Variants in LRBA observed in about 807,000 individuals in gnomAD.
LRBA encodes the protein lipopolysaccharide-responsive and beige-like anchor protein.
LRBA carries 176 observed loss-of-function variants against 330.0 expected under a neutral mutation model. The observed-to-expected ratio is 0.53, with a 90% CI of 0.47 to 0.60. LRBA has a LOEUF of 0.60. Ranked by LOEUF, LRBA falls within the 20% of genes least tolerant of loss-of-function variation. The pLI, the probability that LRBA is intolerant of heterozygous loss-of-function variation, is 0.00. For synonymous variants in LRBA, 1,230 were observed against 1,193.0 expected, an observed-to-expected ratio of 1.03 and a Z score of -0.64; for missense variants, 3,259 against 3,444.8, an observed-to-expected ratio of 0.95 and a Z score of 1.35.
chr4:150,279,683 C>A (rs923716872), intron 55 of LRBA, among the ~76,000 whole-genome samples: 3 of 152,188 alleles, frequency 2.0e-5, no homozygotes, highest in Non-Finnish European at 4.4e-5. Context: ...AAAAACACAT[C>A]TAGGAAATAA....
chr4:150,697,493 T>C (rs370916661), intron 36 of LRBA, among the ~76,000 whole-genome samples: 4 of 151,894 alleles, frequency 2.6e-5, no homozygotes, highest in Non-Finnish European at 5.9e-5. Flanking sequence ...TAAGCAAAGA[T>C]AGGAATAACA....
chr4:150,699,457 T>C (rs1006077012), intron 36 of LRBA, among the ~76,000 whole-genome samples: 1 of 152,096 alleles, frequency 6.6e-6, no homozygotes, highest in Non-Finnish European at 1.5e-5. Context: ...GTTTGTAAGA[T>C]GGGAAGAGGT....
chr4:150,742,930 G>A (rs932894300), intron 35 of LRBA, among the ~76,000 whole-genome samples: 2 of 151,982 alleles, frequency 1.3e-5, no homozygotes, highest in Non-Finnish European at 2.9e-5. Flanking sequence ...CAAAAAAAGA[G>A]CAAACATAAA....
At chr4:150,877,172 G>A (rs574018356) in intron 17 of LRBA, among the ~76,000 whole-genome samples, 10 of 151,618 alleles carry the variant, frequency 6.6e-5, no homozygotes, top group African/African-American at 2.4e-4. Context: ...GCAGGAGAAT[G>A]GCATGAACCT....
At chr4:150,479,598 G>C (rs1757071078) in intron 42 of LRBA, among the ~76,000 whole-genome samples, 1 of 152,154 alleles carries the variant, frequency 6.6e-6, no homozygotes, top group Non-Finnish European at 1.5e-5. Context: ...GGTAGTTCTG[G>C]AATACATCCT....
chr4:150,439,979 T>C (rs1056637254), intron 44 of LRBA, among the ~76,000 whole-genome samples: 8 of 152,190 alleles, frequency 5.3e-5, no homozygotes, highest in African/African-American at 1.9e-4. Context: ...AATCAGCATT[T>C]CAGGATGTTT....
At chr4:150,698,462 G>A (rs1456772029) in intron 36 of LRBA, among the ~76,000 whole-genome samples, 2 of 152,076 alleles carry the variant, frequency 1.3e-5, no homozygotes, top group South Asian at 2.1e-4. Flanking sequence ...ATACTGAGAA[G>A]ATAATGAAAA....
At position 150,871,050 on chromosome 4, in the gene LRBA, C is replaced by T. The variant is rs183417185; in HGVS notation, c.2367+295G>A. Among the ~76,000 whole-genome samples, 9 of 152,158 alleles carry T rather than the reference C, an allele frequency of 5.9e-5. No homozygotes were observed. The East Asian group carries it at 1.7e-3, about 29-fold the overall frequency. On this transcript the variant is annotated intron_variant, in intron 19 of 56. Transcript: ENST00000651943. The stretch of plus-strand genomic sequence containing the variant: ...CCTGAGGTCAGGAGTTCGAGACCAG[C>T]CTAGCCAACACAGCAAAACCCGTCA...
intron 37 of LRBA, among the ~76,000 whole-genome samples, chr4:150,656,508 G>C (rs1386353857): frequency 1.3e-5 from 2 of 152,168 alleles, no homozygotes; most frequent in African/African-American, 2.4e-5. Context: ...GGCGTAAACT[G>C]TCTGATCTCT....
intron 44 of LRBA, among the ~76,000 whole-genome samples, chr4:150,446,821 C>T (rs1472242280): frequency 6.6e-6 from 1 of 152,182 alleles, no homozygotes; most frequent in Non-Finnish European, 1.5e-5. Context: ...TACCTTATTT[C>T]TCTGTGCAAG....
Position 150,650,461 on chromosome 4 carries a change from A to G in LRBA, c.5921+33090T>C, listed in dbSNP as rs149575531. 3.7e-4 allele frequency among the ~76,000 whole-genome samples: 56 copies of G among 152,286 alleles called. No individual in the cohort carries two copies. The East Asian group carries it at 0.011, about 29-fold the overall frequency. On this transcript the variant is annotated intron_variant, in intron 37 of 56. Transcript: ENST00000651943. ...ATGAATATTTGTTTCCAAATGAACA[A>G]TGAAAGTAGTATATAATAAGTAACA...
At chr4:150,960,412 T>C (rs564637961) in intron 2 of LRBA, among the ~76,000 whole-genome samples, 14 of 149,068 alleles carry the variant, frequency 9.4e-5, no homozygotes, top group Admixed American at 2.0e-4. Flanking sequence ...CCATGGGAAA[T>C]GCTAAATGTC....
chr4:150,560,151 T>G (rs1768128093), intron 40 of LRBA, among the ~76,000 whole-genome samples: 1 of 150,682 alleles, frequency 6.6e-6, no homozygotes, highest in South Asian at 2.1e-4. Flanking sequence ...GAGTATAATG[T>G]GTACAAATGG....
intron 40 of LRBA, among the ~76,000 whole-genome samples, chr4:150,522,282 C>G (rs528617171): frequency 6.6e-6 from 1 of 152,036 alleles, no homozygotes; most frequent in Non-Finnish European, 1.5e-5. Flanking sequence ...ATTACCCAGA[C>G]TTAGGTATTA....
At chr4:150,382,622 C>CA (rs112630500) in intron 47 of LRBA, among the ~76,000 whole-genome samples, 258 of 111,408 alleles carry the variant, frequency 2.3e-3, no homozygotes, top group South Asian at 3.6e-3. Context: ...GACTCTGTTT[C>CA]AAAAAAAAAA....
chr4:150,313,840 GTATA>G (rs35815992), intron 51 of LRBA, among the ~76,000 whole-genome samples: 31,204 of 141,946 alleles, frequency 0.22, 3,424 homozygotes, highest in East Asian at 0.27. Context: ...TATATATAAT[GTATA>G]TATATATATA....
intron 28 of LRBA, among the ~76,000 whole-genome samples, chr4:150,836,270 G>A (rs1286281271): frequency 6.6e-6 from 1 of 152,004 alleles, no homozygotes; most frequent in Non-Finnish European, 1.5e-5. Flanking sequence ...CTCTTTTTTT[G>A]TTGTGTCTCT....
At chr4:150,760,578 C>G (rs143845277) in intron 35 of LRBA, among the ~76,000 whole-genome samples, 1 of 151,232 alleles carries the variant, frequency 6.6e-6, no homozygotes, top group African/African-American at 2.4e-5. Context: ...CACACACACA[C>G]GAATATCCTG....
At chr4:150,704,557 G>T (rs1011183673) in intron 36 of LRBA, among the ~76,000 whole-genome samples, 10 of 151,990 alleles carry the variant, frequency 6.6e-5, no homozygotes, top group Admixed American at 2.0e-4. Context: ...AAGAATTTTT[G>T]ATTTCATTTA....
Sources: gnomAD v4.1 joint callset for allele counts (sites outside exome capture counted in the v4.1 genomes callset) on GRCh38, gnomAD v4.1.1 for gene constraint, MANE v1.5 for transcripts, NCBI Gene and HGNC (gene_info 2026-07-23, HGNC 2026-07-21) for gene names.